The following USP6NL variants were observed in gnomAD, a reference collection of about 807,000 sequenced individuals.
USP6NL encodes USP6 N-terminal like.
In USP6NL, 26 loss-of-function variants were observed where a neutral mutation model predicts 61.9. The ratio of observed to expected loss-of-function variants is 0.42; its 90% confidence interval spans 0.31 to 0.58. The LOEUF is 0.58. Ranked by LOEUF, USP6NL falls within the 20% of genes least tolerant of loss-of-function variation. The pLI, the probability that USP6NL is intolerant of heterozygous loss-of-function variation, is 0.16. For synonymous variants in USP6NL, 432 were observed against 390.1 expected, an observed-to-expected ratio of 1.11 and a Z score of -1.27; for missense variants, 1,114 against 1,034.3, an observed-to-expected ratio of 1.08 and a Z score of -1.06.
chr10:11,610,303 T>C (rs1838847662), intron 1 of USP6NL, among the ~76,000 whole-genome samples: 1 of 152,182 alleles, frequency 6.6e-6, no homozygotes, highest in South Asian at 2.1e-4. Context: ...CCAGGAAATA[T>C]TTTTGTTAAT....
intron 2 of USP6NL, among the ~76,000 whole-genome samples, chr10:11,545,636 T>C (rs1836245513): frequency 6.6e-6 from 1 of 152,182 alleles, no homozygotes; most frequent in Non-Finnish European, 1.5e-5. Flanking sequence ...CTTGAAAATA[T>C]AAATACAAGT....
At chr10:11,516,626 C>T (rs1384818453) in intron 5 of USP6NL, among the ~76,000 whole-genome samples, 1 of 152,054 alleles carries the variant, frequency 6.6e-6, no homozygotes, top group Non-Finnish European at 1.5e-5. Context: ...GTGCAGTTTC[C>T]GTAAAAAAGG....
chr10:11,466,278 T>C (rs991860344), intron 14 of USP6NL, among the ~76,000 whole-genome samples: 1 of 152,220 alleles, frequency 6.6e-6, no homozygotes, highest in African/African-American at 2.4e-5. Flanking sequence ...TGAACTAAGA[T>C]GGGCGATTAC....
intron 6 of USP6NL, among the ~76,000 whole-genome samples, chr10:11,509,111 G>T (rs953539058): frequency 1.3e-5 from 2 of 152,208 alleles, no homozygotes; most frequent in Non-Finnish European, 1.5e-5. Context: ...AAACATTAAA[G>T]GGGAGGTTTG....
At chr10:11,486,889 A>G (rs891894309) in intron 10 of USP6NL, among the ~76,000 whole-genome samples, 4 of 152,194 alleles carry the variant, frequency 2.6e-5, no homozygotes, top group Non-Finnish European at 4.4e-5. Flanking sequence ...TATTCCACCA[A>G]AAACCTGAGG....
intron 14 of USP6NL, among the ~76,000 whole-genome samples, chr10:11,469,371 T>C (rs553777447): frequency 6.6e-6 from 1 of 152,222 alleles, no homozygotes; most frequent in Non-Finnish European, 1.5e-5. Flanking sequence ...ACACTGTCCA[T>C]ATACACAGGC....
At chr10:11,607,166 A>G (rs1213240451) in intron 1 of USP6NL, among the ~76,000 whole-genome samples, 1 of 152,210 alleles carries the variant, frequency 6.6e-6, no homozygotes, top group East Asian at 1.9e-4. Context: ...GGCACCAGGG[A>G]AATACACAAA....
rs1837927580 is a variant in USP6NL, at chr10:11,585,399, A to G, written c.4+12232T>C. Among the ~76,000 whole-genome samples, 1 of 152,240 alleles carries G rather than the reference A, an allele frequency of 6.6e-6. No homozygotes were observed. The highest frequency in any genetic ancestry group is 2.1e-4 in the South Asian group (1 of 4,828). On this transcript the variant is annotated intron_variant, in intron 2 of 14. Coordinates refer to ENST00000609104, the MANE Select transcript of USP6NL (RefSeq NM_014688.5). The surrounding 1 kb of genome is among the most constrained non-coding windows in gnomAD (Gnocchi z 4.5). ...GTTCCAAAGATGTATTTGTACACCCATGGTTCACAGCAGCATAATTCGCAA... is the reference window on the plus strand; with the variant it reads ...GTTCCAAAGATGTATTTGTACACCCGTGGTTCACAGCAGCATAATTCGCAA...
chr10:11,507,012 A>G (rs1427494306), intron 6 of USP6NL, among the ~76,000 whole-genome samples: 2 of 152,220 alleles, frequency 1.3e-5, no homozygotes, highest in Admixed American at 6.5e-5. Context: ...ATATCATCAA[A>G]TGATTCTAGC....
chr10:11,507,489 T>A (rs74902398), intron 6 of USP6NL, among the ~76,000 whole-genome samples: 1,652 of 152,266 alleles, frequency 0.011, 11 homozygotes, highest in Middle Eastern at 0.041. Flanking sequence ...TCACCCCTGA[T>A]GAAAACAAAG....
intron 6 of USP6NL, among the ~76,000 whole-genome samples, chr10:11,507,806 A>G (rs1834522120): frequency 6.6e-6 from 1 of 152,188 alleles, no homozygotes; most frequent in South Asian, 2.1e-4. Flanking sequence ...GCTTTACATC[A>G]ACTAACTTAT....
At chr10:11,519,291 T>G (rs1472311827) in intron 4 of USP6NL, among the ~76,000 whole-genome samples, 1 of 152,164 alleles carries the variant, frequency 6.6e-6, no homozygotes, top group Admixed American at 6.6e-5. Context: ...AAAAACTGCC[T>G]CCAACAGACT....
intron 5 of USP6NL, among the ~76,000 whole-genome samples, chr10:11,515,591 T>C (rs1016385553): frequency 1.3e-5 from 2 of 152,206 alleles, no homozygotes; most frequent in African/African-American, 4.8e-5. Context: ...AGTGTCAGAA[T>C]TGAGTTAAAT....
At chr10:11,576,038 A>G (rs537398398) in intron 2 of USP6NL, among the ~76,000 whole-genome samples, 1 of 152,208 alleles carries the variant, frequency 6.6e-6, no homozygotes, top group East Asian at 1.9e-4. Context: ...CAGGATATAT[A>G]CTTCAAAATA....
At chr10:11,486,769 T>C (rs1239787559) in intron 10 of USP6NL, among the ~76,000 whole-genome samples, 3 of 152,236 alleles carry the variant, frequency 2.0e-5, no homozygotes, top group Non-Finnish European at 4.4e-5. Context: ...TTAATGTTCT[T>C]GCCTTTTAGA....
Position 11,562,707 on chromosome 10 carries a change from T to C in USP6NL, c.4+34924A>G, listed in dbSNP as rs1836989930. Reference sequence around the variant, plus strand: ...ATTTCTGTAACTTGTCTATTTTATCTGCCAAATTTTCACTTGTTTCTTGAT... The same window carrying C: ...ATTTCTGTAACTTGTCTATTTTATCCGCCAAATTTTCACTTGTTTCTTGAT... On this transcript the variant is annotated intron_variant, in intron 2 of 14. Transcript: ENST00000609104. This position sits in a 1 kb window ranked among gnomAD's most constrained non-coding sequence, Gnocchi z 4.8. The C allele has an allele frequency of 1.0e-6, 1 of 985,368 alleles. No individual in the cohort carries two copies. Among genetic ancestry groups the C allele is most frequent in the African/African-American group, 1.7e-5 (1 of 57,256 alleles). The allele number at this position is 985,368 out of a possible 1,614,324, so 61.0% of individuals were successfully genotyped here.
intron 2 of USP6NL, among the ~76,000 whole-genome samples, chr10:11,560,685 G>T (rs1225939757): frequency 7.0e-6 from 1 of 143,830 alleles, no homozygotes; most frequent in Non-Finnish European, 1.5e-5. Context: ...GAAAAAAAAG[G>T]CCTCCAAACA....
chr10:11,607,070 T>C (rs1838729869), intron 1 of USP6NL, among the ~76,000 whole-genome samples: 3 of 152,116 alleles, frequency 2.0e-5, no homozygotes. Flanking sequence ...CTTATAGGAG[T>C]GAGCTATCAC....
chr10:11,588,781 T>G (rs753377442), intron 2 of USP6NL, among the ~76,000 whole-genome samples: 8 of 151,406 alleles, frequency 5.3e-5, no homozygotes, highest in Non-Finnish European at 1.2e-4. Context: ...AACTCCATTT[T>G]TATAATACAA....
Sources: gnomAD v4.1 joint callset for allele counts (sites outside exome capture counted in the v4.1 genomes callset) on GRCh38, gnomAD v4.1.1 for gene constraint, Gnocchi (gnomAD v3.1) non-coding constraint, MANE v1.5 for transcripts, NCBI Gene and HGNC (gene_info 2026-07-23, HGNC 2026-07-21) for gene names.